USP33: variants seen among roughly 807,000 people sequenced by gnomAD.
USP33 encodes the protein ubiquitin carboxyl-terminal hydrolase 33.
Under a neutral mutation model 124.2 loss-of-function variants are expected in USP33, and 46 were observed. That is an observed-to-expected ratio of 0.37 (90% CI 0.29 to 0.47). The LOEUF (loss-of-function observed/expected upper bound fraction) is 0.47, where lower values mean the gene tolerates loss of function less well. Ranked by LOEUF, USP33 falls within the 20% of genes least tolerant of loss-of-function variation. The probability of loss-of-function intolerance (pLI) is 0.99; values close to 1 mark genes in which losing one functional copy is unlikely to be tolerated. For synonymous variants in USP33, 350 were observed against 352.3 expected, an observed-to-expected ratio of 0.99 and a Z score of 0.07; for missense variants, 851 against 1,070.6, an observed-to-expected ratio of 0.79 and a Z score of 2.86.
chr1:77,739,827 T>C (rs911031221), intron 4 of USP33, among the ~76,000 whole-genome samples: 2 of 152,180 alleles, frequency 1.3e-5, no homozygotes, highest in Admixed American at 6.5e-5. Flanking sequence ...GAATATATAA[T>C]CTTGGAAAGA....
At chr1:77,711,721 C>T in intron 21 of USP33, 26 bp downstream of exon 21, 4 of 1,595,060 alleles carry the variant, frequency 2.5e-6, no homozygotes, top group Non-Finnish European at 3.4e-6. Context: ...TATCCTAGAT[C>T]AATTTGAAAA....
intron 6 of USP33, 138 bp from the exon 7 acceptor site, chr1:77,734,554 C>G (rs1303211439): frequency 3.5e-6 from 2 of 573,376 alleles, no homozygotes; most frequent in Non-Finnish European, 6.1e-6. Flanking sequence ...TCAGAGAGGT[C>G]ACACTTTGGG....
intron 15 of USP33, among the ~76,000 whole-genome samples, chr1:77,719,514 T>A (rs1676311462): frequency 6.6e-6 from 1 of 152,172 alleles, no homozygotes; most frequent in Admixed American, 6.5e-5. Context: ...TAAAACCAGA[T>A]AAAGCAAAAC....
At chr1:77,715,917 A>C (rs1675826292) in intron 17 of USP33, 49 bp from the exon 18 acceptor site, 1 of 1,568,412 alleles carries the variant, frequency 6.4e-7, no homozygotes. Flanking sequence ...AAACAACAGA[A>C]GAAAGGAGGA....
intron 12 of USP33, 50 bp from the exon 13 acceptor site, chr1:77,722,246 C>A: frequency 6.9e-7 from 1 of 1,456,218 alleles, no homozygotes; most frequent in Non-Finnish European, 9.2e-7. Context: ...TGCAGTAAAA[C>A]ATTTCCAAGG....
chr1:77,724,126 G>T (rs1249964883), intron 11 of USP33, among the ~76,000 whole-genome samples: 1 of 152,144 alleles, frequency 6.6e-6, no homozygotes, highest in Non-Finnish European at 1.5e-5. Context: ...GTTAGAAAGT[G>T]AGGGAAAGAT....
At position 77,707,919 on chromosome 1, in the gene USP33, T is replaced by C. The variant is rs142341473; in HGVS notation, c.2406+3828A>G. Among the ~76,000 whole-genome samples the C allele has an allele frequency of 3.9e-5, 6 of 152,296 alleles. No individual in the cohort carries two copies. The East Asian group carries it at 9.6e-4, about 24-fold the overall frequency. ...TGTTCATTCTTTAGATTACAGACCA[T>C]AACAGGGAAAAGTGTGACTATACTC... On this transcript the variant is annotated intron_variant, in intron 21 of 23. Transcript: ENST00000370794.
chr1:77,720,293 T>C (rs552916490), intron 15 of USP33: 2 of 982,800 alleles, frequency 2.0e-6, no homozygotes, highest in East Asian at 2.3e-4. Context: ...AATATGGAGG[T>C]AGATGCAAGG....
At chr1:77,716,328 G>A (rs1675894999) in intron 17 of USP33, among the ~76,000 whole-genome samples, 1 of 152,192 alleles carries the variant, frequency 6.6e-6, no homozygotes, top group South Asian at 2.1e-4. Context: ...CAAAGGTGCT[G>A]GGATTACAGG....
rs373268302 is a variant in USP33 at position 77,730,580 on chromosome 1, A to C, written c.638+38T>G. 24 of 1,376,948 alleles carry C rather than the reference A, an allele frequency of 1.7e-5. No homozygotes were observed. The South Asian group carries it at 3.4e-4, about 19-fold the overall frequency. 85.3% of individuals were successfully genotyped at this position (1,376,948 alleles called of 1,614,324 possible). On this transcript the variant is annotated intron_variant, in intron 8 of 23. Coordinates refer to ENST00000370794, the MANE Select transcript of USP33 (RefSeq NM_201624.3). The stretch of plus-strand genomic sequence containing the variant: ...TTAAATATTTATAATATTCATTTAA[A>C]AGTTTAATAAAGAAGAAGAGTATAT...
At chr1:77,729,550 A>C (rs1677560835) in intron 9 of USP33, among the ~76,000 whole-genome samples, 1 of 152,104 alleles carries the variant, frequency 6.6e-6, no homozygotes, top group South Asian at 2.1e-4. Flanking sequence ...ACACATCTGC[A>C]ATCCCAGTTA....
In USP33 at chr1:77,718,064, T is replaced by C. The variant is rs1313189181; in HGVS notation, c.1738-17A>G. The C allele has an allele frequency of 5.7e-6, 9 of 1,572,162 alleles. No homozygotes were observed. Among genetic ancestry groups the C allele is most frequent in the Non-Finnish European group, 7.8e-6 (9 of 1,159,118 alleles). ...GCACAAAATCTAAAAAAGAATAAAA[T>C]TCAAAACTAATTTGTCAATACAGAA... On this transcript the variant is annotated splice_polypyrimidine_tract_variant and intron_variant, in intron 16 of 23. Coordinates refer to ENST00000370794, the MANE Select transcript of USP33 (RefSeq NM_201624.3).
At chr1:77,714,167 A>G (rs1393037200) in intron 19 of USP33, among the ~76,000 whole-genome samples, 1 of 152,184 alleles carries the variant, frequency 6.6e-6, no homozygotes, top group Non-Finnish European at 1.5e-5. Context: ...TACTTGGGAA[A>G]AAAGCCAGCT....
In USP33 at chr1:77,696,936, G is replaced by A. The variant is rs768154575; in HGVS notation, c.*381C>T. The A allele has an allele frequency of 1.7e-4, 26 of 153,830 alleles. No homozygotes were observed. The highest frequency in any genetic ancestry group is 3.0e-4 in the Non-Finnish European group (21 of 69,362). The allele number at this position is 153,830 out of a possible 1,614,324, so 9.5% of individuals were successfully genotyped here. On this transcript the variant is annotated 3_prime_UTR_variant, in exon 24 of 24. Transcript: ENST00000370794. ...CATCTCTACTAAAATACAAAAATTA[G>A]CCGGGCATGGTGGCAGGTGCCTGTA... is the stretch of plus-strand genomic sequence containing the variant.
chr1:77,704,136 A>ATG (rs1557812290), intron 21 of USP33, among the ~76,000 whole-genome samples: 1 of 151,902 alleles, frequency 6.6e-6, no homozygotes, highest in Non-Finnish European at 1.5e-5. Flanking sequence ...AAAAGTATAT[A>ATG]TGTGTGTGTG....
chr1:77,745,491 T>C (rs1159290924), intron 1 of USP33: 2 of 152,246 alleles, frequency 1.3e-5, no homozygotes, highest in South Asian at 2.1e-4. Flanking sequence ...TTTTGCTCAT[T>C]AGTTGAGGCA....
chr1:77,754,331 A>G (rs1238901888), intron 1 of USP33, among the ~76,000 whole-genome samples: 3 of 152,238 alleles, frequency 2.0e-5, no homozygotes, highest in Admixed American at 2.0e-4. Flanking sequence ...TGAAGGAATA[A>G]GCTTATGGCT....
chr1:77,732,812 T>TG (rs1226373760), intron 7 of USP33, among the ~76,000 whole-genome samples: 1 of 149,080 alleles, frequency 6.7e-6, no homozygotes, highest in African/African-American at 2.5e-5. Flanking sequence ...TTTTTTTTTT[T>TG]TGACGGAGTC....
At chr1:77,714,862 CTT>C in intron 18 of USP33, 79 bp from the exon 19 acceptor site, 2 of 1,404,446 alleles carry the variant, frequency 1.4e-6, no homozygotes, top group Non-Finnish European at 2.0e-6. Context: ...TCTTATTAGA[CTT>C]AACACACATA....
Sources: gnomAD v4.1 joint callset for allele counts (sites outside exome capture counted in the v4.1 genomes callset) on GRCh38, gnomAD v4.1.1 for gene constraint, MANE v1.5 for transcripts, NCBI Gene and HGNC (gene_info 2026-07-23, HGNC 2026-07-21) for gene names.